ZNF772: variants seen among roughly 807,000 people sequenced by gnomAD.
The protein encoded by ZNF772 is zinc finger protein 772.
A neutral mutation model predicts 11.0 loss-of-function variants in ZNF772; 8 were observed. The ratio of observed to expected loss-of-function variants is 0.73; its 90% CI spans 0.43 to 1.31. ZNF772 has a LOEUF of 1.31. Among genes scored for constraint, ZNF772 ranks in the 50% most tolerant of loss-of-function variants. The pLI is 0.01. For missense variants in ZNF772, 496 were observed against 552.3 expected, an observed-to-expected ratio of 0.90 and a Z score of 1.02; for synonymous variants, 155 against 180.4, an observed-to-expected ratio of 0.86 and a Z score of 1.13.
At position 57,477,485 on chromosome 19, in the gene ZNF772, G is replaced by A; in HGVS notation, c.-176C>T. 1 of 597,864 alleles carries A rather than the reference G, an allele frequency of 1.7e-6. No individual in the cohort carries two copies. Among genetic ancestry groups the A allele is most frequent in the Non-Finnish European group, 2.9e-6 (1 of 343,450 alleles). The allele number at this position is 597,864 out of a possible 1,614,324, so 37.0% of individuals were successfully genotyped here. A position where few individuals can be genotyped will look rare whatever the true frequency, so the allele number is the denominator to read the frequency against. ...TTCCCTTTTCTGTCACCTCAGGTCT[G>A]ACATTGCGTTCTGGAAACTAAACCA... is the stretch of plus-strand genomic sequence containing the variant. On this transcript the variant is annotated 5_prime_UTR_variant, in exon 1 of 4. Transcript: ENST00000356584.
chr19:57,473,496 G>A lies in ZNF772; in HGVS notation c.1125C>T (p.Ser375=), dbSNP rs1232382819. The part of the protein sequence containing the change: ...YECIACGKFF[S]QSSDLIAHQR... ...GATGTGCAATAAGGTCAGAGCTTTG[G>A]CTAAAGAACTTCCCACATGCGATGC... The change falls in exon 4 of 4, where the codon AGC becomes AGT. Residue 375 remains serine, a synonymous_variant. Transcript: ENST00000356584. The A allele has an allele frequency of 1.2e-6, 2 of 1,614,088 alleles. No homozygotes were observed. The highest frequency in any genetic ancestry group is 2.2e-5 in the South Asian group (2 of 91,082).
In ZNF772 at chr19:57,475,476, G is replaced by T. The variant is rs1241900081; in HGVS notation, c.199+184C>A. ...AAGGCTCTGAGACAGCAAGCGCTGG[G>T]AATGCTCAAAAGGAGAAAGTAGGAG... On this transcript the variant is annotated intron_variant, in intron 3 of 3. Coordinates refer to ENST00000356584, the MANE Select transcript of ZNF772 (RefSeq NM_001144068.2). The surrounding 1 kb of genome is among the most constrained non-coding windows in gnomAD (Gnocchi z 4.2). The T allele has an allele frequency of 4.1e-6, 4 of 980,730 alleles. No homozygotes were observed. The highest frequency in any genetic ancestry group is 4.8e-6 in the Non-Finnish European group (3 of 625,874). 60.8% of individuals were successfully genotyped at this position (980,730 alleles called of 1,614,324 possible). A position where few individuals can be genotyped will look rare whatever the true frequency, so the allele number is the denominator to read the frequency against.
chr19:57,474,253 T>C lies in ZNF772; in HGVS notation c.368A>G (p.Glu123Gly). 1 of 1,614,218 alleles carries C rather than the reference T, an allele frequency of 6.2e-7. No individual in the cohort carries two copies. Among genetic ancestry groups the C allele is most frequent in the Non-Finnish European group, 8.5e-7 (1 of 1,180,040 alleles). Residue 123 changes from glutamate to glycine, a missense_variant, in exon 4 of 4, where the codon GAA becomes GGA. Physicochemically the swap from Glu to Gly is moderately conservative, Grantham distance 98. Coordinates refer to ENST00000356584, the MANE Select transcript of ZNF772 (RefSeq NM_001144068.2). ...KDILHLAEHQ[E>G]THPGQKPYMC... ...GTATGGTTTCTGCCCTGGGTGTGTT[T>C]CCTGGTGCTCAGCCAAGTGCAAAAT...
At chr19:57,474,493 G>T in intron 3 of ZNF772, 72 bp from the exon 4 acceptor site, 1 of 1,473,110 alleles carries the variant, frequency 6.8e-7, no homozygotes, top group Non-Finnish European at 9.2e-7. Flanking sequence ...CTACAAATAT[G>T]TGTCTAACAC....
intron 3 of ZNF772, chr19:57,474,924 G>T: frequency 6.5e-7 from 1 of 1,536,418 alleles, no homozygotes; most frequent in South Asian, 1.2e-5. Context: ...GAGTATGAAA[G>T]GCCAGTGGCC....
Position 57,472,016 on chromosome 19 carries a change from T to C in ZNF772, c.*1258A>G. ...CTTATCAAATGGTACACTATAAATA[T>C]GTGCAGTTTATTGCAAAAATGTTTA... On this transcript the variant is annotated 3_prime_UTR_variant, in exon 4 of 4. Transcript: ENST00000356584. 1 of 416,364 alleles carries C rather than the reference T, an allele frequency of 2.4e-6. No individual in the cohort carries two copies. Among genetic ancestry groups the C allele is most frequent in the Admixed American group, 2.8e-5 (1 of 35,158 alleles). 25.8% of individuals were successfully genotyped at this position (416,364 alleles called of 1,614,324 possible). A position where few individuals can be genotyped will look rare whatever the true frequency, so the allele number is the denominator to read the frequency against.
rs1336937679 is a variant in ZNF772 at position 57,473,987 on chromosome 19, T to G, written c.634A>C (p.Thr212Pro). Residue 212 changes from threonine to proline, a missense_variant, in exon 4 of 4, where the codon ACC becomes CCC. Physicochemically the swap from Thr to Pro is conservative, Grantham distance 38. Coordinates refer to ENST00000356584, the MANE Select transcript of ZNF772 (RefSeq NM_001144068.2). ...CAGTGAGAGGCCTCCTCACACTTGG[T>G]GTTGCTGTGTGGCTTCCACTCATTG... Reference protein sequence around the residue: ...PHNEWKPHSNTKCEEASHCGK... With the variant: ...PHNEWKPHSNPKCEEASHCGK... The G allele has an allele frequency of 1.2e-6, 2 of 1,614,218 alleles. No individual in the cohort carries two copies. Among genetic ancestry groups the G allele is most frequent in the Admixed American group, 3.3e-5 (2 of 60,034 alleles).
rs180780345 is a variant in ZNF772, at chr19:57,475,909, G to A, written c.73-123C>T. ...AACTCCTCAACTCAGGAAATATCAG[G>A]ACCAGATGTCATTGGTGTCTTCTCT... On this transcript the variant is annotated intron_variant, in intron 2 of 3. Transcript: ENST00000356584. The surrounding 1 kb of genome is among the most constrained non-coding windows in gnomAD (Gnocchi z 4.2). The A allele has an allele frequency of 3.7e-6, 5 of 1,364,288 alleles. No individual in the cohort carries two copies. The highest frequency in any genetic ancestry group is 1.5e-5 in the African/African-American group (1 of 68,514). 84.5% of individuals were successfully genotyped at this position (1,364,288 alleles called of 1,614,324 possible).
chr19:57,472,256 CA>C lies in ZNF772; in HGVS notation c.*1017del. On this transcript the variant is annotated 3_prime_UTR_variant, in exon 4 of 4. Transcript: ENST00000356584. Reference sequence around the variant, plus strand: ...CTACCTGGGCCTTCTGGAGGACAGCCAATATCAACTGCCTACTGAAAAATAG... The same window carrying C: ...CTACCTGGGCCTTCTGGAGGACAGCCATATCAACTGCCTACTGAAAAATAG... 1 of 444,384 alleles carries C rather than the reference CA, an allele frequency of 2.3e-6. No individual in the cohort carries two copies. Among genetic ancestry groups the C allele is most frequent in the Non-Finnish European group, 4.5e-6 (1 of 222,104 alleles). The allele number at this position is 444,384 out of a possible 1,614,324, so 27.5% of individuals were successfully genotyped here.
At chr19:57,476,084 A>G (rs1335542376) in intron 2 of ZNF772, among the ~76,000 whole-genome samples, 1 of 152,190 alleles carries the variant, frequency 6.6e-6, no homozygotes, top group Non-Finnish European at 1.5e-5. Flanking sequence ...CATGCTTACC[A>G]GACAACCAAA....
rs1011425377 is a variant in ZNF772, at chr19:57,473,200, A to G, written c.*74T>C. 6 of 1,459,928 alleles carry G rather than the reference A, an allele frequency of 4.1e-6. No homozygotes were observed. The highest frequency in any genetic ancestry group is 5.6e-6 in the Non-Finnish European group (6 of 1,076,910). The allele number at this position is 1,459,928 out of a possible 1,614,324, so 90.4% of individuals were successfully genotyped here. On this transcript the variant is annotated 3_prime_UTR_variant, in exon 4 of 4. Coordinates refer to ENST00000356584, the MANE Select transcript of ZNF772 (RefSeq NM_001144068.2). Reference sequence around the variant, plus strand: ...TTCTACTTCTGGCTGTCGGCTACACATAAAGGCTATGCTTGGAGCTTCTCT... The same window carrying G: ...TTCTACTTCTGGCTGTCGGCTACACGTAAAGGCTATGCTTGGAGCTTCTCT...
Position 57,473,400 on chromosome 19 carries a change from T to C in ZNF772, c.1221A>G (p.Val407=), listed in dbSNP as rs2089239022. ...TGTGAATTCTATGATGCTGAACAAG[T>C]ACATGTTTGTGGCTAAAGGCTTTTC... ...ECGKAFSHKH[V]LVQHHRIHTG... is the part of the protein sequence containing the mutation. The change falls in exon 4 of 4, where the codon GTA becomes GTG. Residue 407 remains valine (V), a synonymous_variant. Coordinates refer to ENST00000356584, the MANE Select transcript of ZNF772 (RefSeq NM_001144068.2). 6.2e-7 allele frequency: 1 copy of C among 1,613,734 alleles called. No homozygotes were observed. Among genetic ancestry groups the C allele is most frequent in the Non-Finnish European group, 8.5e-7 (1 of 1,179,948 alleles).
chr19:57,473,729 C>T lies in ZNF772; in HGVS notation c.892G>A (p.Val298Ile). ...KVFNHSSNLI[V>I]HQRVHTGARP... ...GCTCCAGTGTGTACTCTTTGATGTACAATAAGGTTAGAGCTATGATTAAAA... is the reference window on the plus strand; with the variant it reads ...GCTCCAGTGTGTACTCTTTGATGTATAATAAGGTTAGAGCTATGATTAAAA... Residue 298 changes from valine (V) to isoleucine (I), a missense_variant, in exon 4 of 4, where the codon GTA (valine) becomes ATA (isoleucine). Val to Ile is a conservative substitution (Grantham distance 29). Transcript: ENST00000356584. 1.9e-6 allele frequency: 3 copies of T among 1,614,042 alleles called. No homozygotes were observed. Among genetic ancestry groups the T allele is most frequent in the Non-Finnish European group, 2.5e-6 (3 of 1,180,002 alleles).
In ZNF772 at chr19:57,474,142, C is replaced by G; in HGVS notation, c.479G>C (p.Arg160Thr). Residue 160 changes from arginine to threonine, a missense_variant, in exon 4 of 4, where the codon AGA becomes ACA. Coordinates refer to ENST00000356584, the MANE Select transcript of ZNF772 (RefSeq NM_001144068.2). ...QKQHSGEKPFRSDKSRPFLLN... is the reference protein window; with the variant it reads ...QKQHSGEKPFTSDKSRPFLLN... ...AAGAAAGGGCCTGCTCTTATCACTT[C>G]TAAAGGGTTTCTCTCCACTGTGCTG... 1 of 1,614,232 alleles carries G rather than the reference C, an allele frequency of 6.2e-7. No homozygotes were observed. The highest frequency in any genetic ancestry group is 8.5e-7 in the Non-Finnish European group (1 of 1,180,048).
chr19:57,473,763 A>G lies in ZNF772; in HGVS notation c.858T>C (p.Cys286=). The change falls in exon 4 of 4, where the codon TGT becomes TGC. Residue 286 remains cysteine (C), a synonymous_variant. Coordinates refer to ENST00000356584, the MANE Select transcript of ZNF772 (RefSeq NM_001144068.2). ...TGEMPYECGI[C]GKVFNHSSNL... Reference sequence around the variant, plus strand: ...TAGAGCTATGATTAAAAACTTTCCCACATATGCCACACTCATAAGGCATTT... The same window carrying G: ...TAGAGCTATGATTAAAAACTTTCCCGCATATGCCACACTCATAAGGCATTT... The G allele has an allele frequency of 1.2e-6, 2 of 1,614,010 alleles. No homozygotes were observed. Among genetic ancestry groups the G allele is most frequent in the Non-Finnish European group, 1.7e-6 (2 of 1,180,012 alleles).
Position 57,475,844 on chromosome 19 carries a change from C to T in ZNF772, c.73-58G>A, listed in dbSNP as rs1021465352. On this transcript the variant is annotated intron_variant, in intron 2 of 3. Coordinates refer to ENST00000356584, the MANE Select transcript of ZNF772 (RefSeq NM_001144068.2). This position sits in a 1 kb window ranked among gnomAD's most constrained non-coding sequence, Gnocchi z 4.2. ...AGCATCTCTCCCAAGAACCCCCATC[C>T]GTGCCCCCACACATCTCCCTCCTGT... 2.5e-5 allele frequency: 38 copies of T among 1,548,448 alleles called. No homozygotes were observed. The highest frequency in any genetic ancestry group is 5.5e-5 in the African/African-American group (4 of 72,860).
At position 57,476,574 on chromosome 19, in the gene ZNF772, T is replaced by C. The variant is rs139110908; in HGVS notation, c.72+60A>G. On this transcript the variant is annotated intron_variant, in intron 2 of 3. Coordinates refer to ENST00000356584, the MANE Select transcript of ZNF772 (RefSeq NM_001144068.2). ...GAGAGTGTTCTATATAACACCACAA[T>C]GCTGGAGAGCGTATTGGGTGGGGGT... 2.8e-4 allele frequency: 446 copies of C among 1,575,434 alleles called. No individual in the cohort carries two copies. The African/African-American group carries it at 5.7e-3, about 20-fold the overall frequency.
intron 1 of ZNF772, among the ~76,000 whole-genome samples, chr19:57,477,076 C>T (rs2089292724): frequency 6.6e-6 from 1 of 151,918 alleles, no homozygotes; most frequent in Admixed American, 6.6e-5. Flanking sequence ...AGCTGTGAAC[C>T]ATCTCTGAGC....
rs1023482054 is a variant in ZNF772 at position 57,469,868 on chromosome 19, T to C, written c.*3406A>G. Reference sequence around the variant, plus strand: ...AGTGAACATGTAACTCATACCAAGATAGCCCATATTCTGGGCCACAAAGCA... The same window carrying C: ...AGTGAACATGTAACTCATACCAAGACAGCCCATATTCTGGGCCACAAAGCA... On this transcript the variant is annotated 3_prime_UTR_variant, in exon 4 of 4. Coordinates refer to ENST00000356584, the MANE Select transcript of ZNF772 (RefSeq NM_001144068.2). 1 of 152,212 alleles carries C rather than the reference T, an allele frequency of 6.6e-6. No individual in the cohort carries two copies. The highest frequency in any genetic ancestry group is 6.5e-5 in the Admixed American group (1 of 15,286). The allele number at this position is 152,212 out of a possible 1,614,324, so 9.4% of individuals were successfully genotyped here.
Sources: gnomAD v4.1 joint callset for allele counts (sites outside exome capture counted in the v4.1 genomes callset) on GRCh38, gnomAD v4.1.1 for gene constraint, Gnocchi (gnomAD v3.1) non-coding constraint, MANE v1.5 for transcripts, NCBI Gene and HGNC (gene_info 2026-07-23, HGNC 2026-07-21) for gene names.